Variants in ASCC3 observed in about 807,000 individuals in gnomAD.
The protein encoded by ASCC3 is ASC-1 complex subunit P200.
Under a neutral mutation model 256.3 loss-of-function variants are expected in ASCC3, and 158 were observed. The ratio of observed to expected loss-of-function variants is 0.62; its 90% confidence interval spans 0.54 to 0.70. The LOEUF (loss-of-function observed/expected upper bound fraction) is 0.70. ASCC3 is among the 30% of genes least tolerant of loss of function. ASCC3 has a pLI of 0.00. For missense variants in ASCC3, 2,259 were observed against 2,626.0 expected, an observed-to-expected ratio of 0.86 and a Z score of 3.05; for synonymous variants, 948 against 883.4, an observed-to-expected ratio of 1.07 and a Z score of -1.30.
At chr6:100,678,721 C>A (rs898419666) in intron 14 of ASCC3, among the ~76,000 whole-genome samples, 1 of 151,932 alleles carries the variant, frequency 6.6e-6, no homozygotes, top group African/African-American at 2.4e-5. Context: ...ATTTTCATAG[C>A]TTTAAATCAG....
At chr6:100,608,128 A>ATATATATGTATATATATGTG (rs1562161276) in intron 30 of ASCC3, among the ~76,000 whole-genome samples, 2 of 120,580 alleles carry the variant, frequency 1.7e-5, no homozygotes, top group African/African-American at 6.4e-5. Context: ...CTATATATAC[A>ATATATATGTATATATATGTG]TATATATGTA....
intron 3 of ASCC3, among the ~76,000 whole-genome samples, chr6:100,852,162 T>C (rs9485417): frequency 0.11 from 16,851 of 152,142 alleles, 1,583 homozygotes; most frequent in East Asian, 0.31. Flanking sequence ...GTGACTAAAA[T>C]GTATGAAAAG....
intron 34 of ASCC3, among the ~76,000 whole-genome samples, chr6:100,595,027 C>G (rs1163322559): frequency 1.3e-5 from 2 of 151,754 alleles, no homozygotes; most frequent in Non-Finnish European, 2.9e-5. Context: ...GGTAGGATGT[C>G]AGTTATCAGA....
At chr6:100,684,141 G>A (rs1777444614) in intron 13 of ASCC3, among the ~76,000 whole-genome samples, 2 of 152,148 alleles carry the variant, frequency 1.3e-5, no homozygotes, top group Admixed American at 6.6e-5. Context: ...AGGAAAGAAG[G>A]ACATATTATT....
At chr6:100,712,762 T>G in intron 13 of ASCC3, among the ~76,000 whole-genome samples, 1 of 136,678 alleles carries the variant, frequency 7.3e-6, no homozygotes, top group Non-Finnish European at 1.6e-5. Context: ...TTTTTTTTTT[T>G]TTTTTTTTTT....
intron 36 of ASCC3, among the ~76,000 whole-genome samples, chr6:100,587,301 A>G (rs918291108): frequency 1.4e-5 from 2 of 139,230 alleles, no homozygotes; most frequent in African/African-American, 5.4e-5. Context: ...TTTTCATGGT[A>G]AAAAAAAAAA....
intron 13 of ASCC3, among the ~76,000 whole-genome samples, chr6:100,714,296 T>A (rs1467290840): frequency 6.6e-6 from 1 of 152,138 alleles, no homozygotes; most frequent in Admixed American, 6.5e-5. Flanking sequence ...TTTTTTTAAT[T>A]TAAAGAAAGA....
intron 30 of ASCC3, among the ~76,000 whole-genome samples, chr6:100,623,403 A>C (rs1774062353): frequency 6.6e-6 from 1 of 152,162 alleles, no homozygotes; most frequent in South Asian, 2.1e-4. Context: ...TCATCTATAG[A>C]ACTAAGCAAA....
At chr6:100,733,652 C>T (rs546067615) in intron 10 of ASCC3, among the ~76,000 whole-genome samples, 40 of 152,232 alleles carry the variant, frequency 2.6e-4, no homozygotes, top group East Asian at 1.7e-3. Context: ...CAACAATAAA[C>T]GAACTAAGAG....
chr6:100,597,134 A>C (rs375675521), intron 34 of ASCC3, among the ~76,000 whole-genome samples: 1 of 152,020 alleles, frequency 6.6e-6, no homozygotes, highest in African/African-American at 2.4e-5. Flanking sequence ...TTTCTTTTTA[A>C]TACAGTATTG....
intron 10 of ASCC3, among the ~76,000 whole-genome samples, chr6:100,755,437 G>A (rs1216167819): frequency 4.7e-5 from 7 of 150,430 alleles, no homozygotes; most frequent in Admixed American, 2.7e-4. Context: ...GCACCACCAC[G>A]CTCACTGTAA....
At chr6:100,511,639 A>T (rs1411170247) in intron 40 of ASCC3, among the ~76,000 whole-genome samples, 1 of 152,108 alleles carries the variant, frequency 6.6e-6, no homozygotes, top group African/African-American at 2.4e-5. Context: ...AGGCTGAAGC[A>T]GGAGAAATGC....
At chr6:100,691,894 C>T (rs1273442143) in intron 13 of ASCC3, among the ~76,000 whole-genome samples, 4 of 151,374 alleles carry the variant, frequency 2.6e-5, no homozygotes, top group African/African-American at 7.3e-5. Flanking sequence ...CAAGTTCACC[C>T]GCACTTCAAT....
intron 40 of ASCC3, chr6:100,510,421 A>G: frequency 6.8e-6 from 2 of 294,576 alleles, no homozygotes; most frequent in Non-Finnish European, 1.3e-5. Context: ...TATTCCTACA[A>G]TTAACTTTAA....
intron 13 of ASCC3, among the ~76,000 whole-genome samples, chr6:100,690,271 G>A (rs1331674456): frequency 6.6e-6 from 1 of 152,094 alleles, no homozygotes. Flanking sequence ...AAGAAAAAAA[G>A]TCTACGTGTC....
intron 11 of ASCC3, among the ~76,000 whole-genome samples, chr6:100,718,815 C>G (rs1260951681): frequency 6.6e-6 from 1 of 151,898 alleles, no homozygotes; most frequent in Non-Finnish European, 1.5e-5. Flanking sequence ...ATTTTTAGGT[C>G]ACAAAAAACT....
At chr6:100,862,928 C>T (rs1292237660) in intron 3 of ASCC3, among the ~76,000 whole-genome samples, 2 of 152,084 alleles carry the variant, frequency 1.3e-5, no homozygotes, top group Non-Finnish European at 2.9e-5. Context: ...GCATTCCCAA[C>T]ACAGAGAGCA....
At chr6:100,825,351 T>C (rs1312593151) in intron 4 of ASCC3, among the ~76,000 whole-genome samples, 1 of 151,752 alleles carries the variant, frequency 6.6e-6, no homozygotes, top group African/African-American at 2.4e-5. Context: ...GCTACTCAAG[T>C]TTTTTTTCCC....
rs149672111 is a variant in ASCC3, at chr6:100,557,241, G to A, written c.5551-16854C>T. On this transcript the variant is annotated intron_variant, in intron 36 of 41. Transcript: ENST00000369162. The stretch of plus-strand genomic sequence containing the variant: ...CCAGCTTTTTTAAGGTGGAGGGTTA[G>A]GTCACTGATTTGAGATAGTTCTTTA... Among the ~76,000 whole-genome samples the A allele has an allele frequency of 3.1e-3, 470 of 152,204 alleles. 2 individuals carry two copies. The highest frequency in any genetic ancestry group is 0.011 in the African/African-American group (448 of 41,542).
Sources: gnomAD v4.1 joint callset for allele counts (sites outside exome capture counted in the v4.1 genomes callset) on GRCh38, gnomAD v4.1.1 for gene constraint, MANE v1.5 for transcripts, NCBI Gene and HGNC (gene_info 2026-07-23, HGNC 2026-07-21) for gene names.